PTPN14: variants seen among roughly 807,000 people sequenced by gnomAD.
PTPN14 encodes protein tyrosine phosphatase non-receptor type 14.
A neutral mutation model predicts 126.8 loss-of-function variants in PTPN14; 53 were observed. The ratio of observed to expected loss-of-function variants is 0.42; its 90% CI spans 0.34 to 0.53. The LOEUF (loss-of-function observed/expected upper bound fraction) is 0.53. PTPN14 is among the 20% of genes least tolerant of loss of function. The pLI, the probability that PTPN14 is intolerant of heterozygous loss-of-function variation, is 0.08. For synonymous variants in PTPN14, 630 were observed against 599.3 expected (o/e 1.05, Z -0.75); for missense variants, 1,257 against 1,552.9 (o/e 0.81, Z 3.20).
At chr1:214,440,429 T>A (rs1453172486) in intron 3 of PTPN14, among the ~76,000 whole-genome samples, 1 of 152,198 alleles carries the variant, frequency 6.6e-6, no homozygotes, top group Non-Finnish European at 1.5e-5. Context: ...TTATGGGTAA[T>A]CAGAGATGAG....
At position 214,409,578 on chromosome 1, in the gene PTPN14, A is replaced by T. The variant is rs561952729; in HGVS notation, c.510+2106T>A. ...ACCATTTCATTTTCTTTAGATATAT[A>T]CCCAGAAGTGAGACTGCTGGATTAT... On this transcript the variant is annotated intron_variant, in intron 5 of 18. Coordinates refer to ENST00000366956, the MANE Select transcript of PTPN14 (RefSeq NM_005401.5). Among the ~76,000 whole-genome samples, 39 of 152,274 alleles carry T rather than the reference A, an allele frequency of 2.6e-4. 1 individual carries two copies. Among genetic ancestry groups the T allele is most frequent in the South Asian group, 1.0e-3 (5 of 4,826 alleles).
intron 5 of PTPN14, among the ~76,000 whole-genome samples, chr1:214,404,929 T>A (rs1659126644): frequency 6.6e-6 from 1 of 152,322 alleles, no homozygotes; most frequent in South Asian, 2.1e-4. Context: ...TACACCCTTC[T>A]AAGACTACCC....
chr1:214,399,889 C>T (rs1209911388), intron 7 of PTPN14, among the ~76,000 whole-genome samples: 1 of 152,074 alleles, frequency 6.6e-6, no homozygotes, highest in African/African-American at 2.4e-5. Context: ...TTTTAAATTT[C>T]AGAGTTTATT....
chr1:214,491,886 C>A (rs867239228), intron 1 of PTPN14, among the ~76,000 whole-genome samples: 1 of 152,150 alleles, frequency 6.6e-6, no homozygotes, highest in African/African-American at 2.4e-5. Context: ...TATCCTCCCC[C>A]TCAAAAGCAG....
rs71165974 is a variant in PTPN14, at chr1:214,465,951, CTTTTT to C, written c.-154-999_-154-995del. Reference sequence around the variant, plus strand: ...TGCATTTAATATAATCAGTTACTTCCTTTTTTTTTTTTTTTTTTTTGTGAAGACGG... The same window carrying C: ...TGCATTTAATATAATCAGTTACTTCCTTTTTTTTTTTTTTTGTGAAGACGG... On this transcript the variant is annotated intron_variant, in intron 1 of 18. Transcript: ENST00000366956. Among the ~76,000 whole-genome samples the C allele has an allele frequency of 1.8e-3, 107 of 59,024 alleles. 5 individuals carry two copies. Among genetic ancestry groups the C allele is most frequent in the African/African-American group, 7.0e-3 (101 of 14,444 alleles). The allele number at this position is 59,024 out of a possible 152,430, so 38.7% of individuals were successfully genotyped here.
At chr1:214,380,835 T>C (rs1031608056) in intron 13 of PTPN14, among the ~76,000 whole-genome samples, 3 of 152,248 alleles carry the variant, frequency 2.0e-5, no homozygotes, top group East Asian at 1.9e-4. Context: ...ACAAAACAGA[T>C]GGAGACTCAT....
intron 1 of PTPN14, among the ~76,000 whole-genome samples, chr1:214,494,062 CTCTT>C (rs895439515): frequency 2.0e-4 from 30 of 152,130 alleles, no homozygotes; most frequent in Admixed American, 2.6e-4. Flanking sequence ...TTCCTCTTCT[CTCTT>C]TCTTTCTCTT....
At chr1:214,509,742 T>C (rs1482419566) in intron 1 of PTPN14, among the ~76,000 whole-genome samples, 2 of 152,200 alleles carry the variant, frequency 1.3e-5, no homozygotes, top group African/African-American at 4.8e-5. Flanking sequence ...CCAACCCAAA[T>C]GTCCATCAAT....
At chr1:214,422,481 G>C (rs1241828454) in intron 3 of PTPN14, among the ~76,000 whole-genome samples, 1 of 152,094 alleles carries the variant, frequency 6.6e-6, no homozygotes, top group Non-Finnish European at 1.5e-5. Context: ...AATATGTCTT[G>C]ACTCATCAGC....
intron 10 of PTPN14, among the ~76,000 whole-genome samples, chr1:214,391,285 C>G (rs1490191688): frequency 6.6e-6 from 1 of 151,586 alleles, no homozygotes; most frequent in Non-Finnish European, 1.5e-5. Flanking sequence ...AATATTAAAC[C>G]AATGGAGGCT....
intron 3 of PTPN14, among the ~76,000 whole-genome samples, chr1:214,425,498 G>T (rs921577817): frequency 5.3e-5 from 8 of 152,176 alleles, no homozygotes; most frequent in Non-Finnish European, 8.8e-5. Flanking sequence ...TGCCTCCTTT[G>T]CTGTTTTATA....
chr1:214,524,232 G>A (rs1339743988), intron 1 of PTPN14, among the ~76,000 whole-genome samples: 1 of 151,976 alleles, frequency 6.6e-6, no homozygotes, highest in Non-Finnish European at 1.5e-5. Context: ...TTTTCACATC[G>A]TTCTATAGAA....
chr1:214,386,862 C>A lies in PTPN14; in HGVS notation c.1048G>T (p.Glu350Ter). 2 of 1,606,410 alleles carry A rather than the reference C, an allele frequency of 1.2e-6. No individual in the cohort carries two copies. The highest frequency in any genetic ancestry group is 1.7e-6 in the Non-Finnish European group (2 of 1,173,348). ...GAGTTACCTTGCGAGGTGTGCGTTT[C>A]CGAGTAGTGCTCACCACACTGGACG... ...VHVQCGEHYSETHTSQDSIFH... is the reference protein window; with the variant it reads ...VHVQCGEHYS The change falls in exon 12 of 19, where the codon GAA becomes TAA. Residue 350 changes from glutamate (E) to a stop codon, truncating the protein, a stop_gained. Coordinates refer to ENST00000366956, the MANE Select transcript of PTPN14 (RefSeq NM_005401.5). LOFTEE classifies it high-confidence loss of function.
chr1:214,541,692 T>C (rs564814130), intron 1 of PTPN14, among the ~76,000 whole-genome samples: 3 of 152,346 alleles, frequency 2.0e-5, no homozygotes, highest in Admixed American at 1.3e-4. Context: ...TCAGAAAGCA[T>C]TATTTAGAGA....
intron 1 of PTPN14, among the ~76,000 whole-genome samples, chr1:214,533,641 C>G (rs1459228007): frequency 6.6e-6 from 1 of 151,814 alleles, no homozygotes; most frequent in Non-Finnish European, 1.5e-5. Context: ...ACCATCCTGG[C>G]TAACACGGTG....
chr1:214,367,716 G>C (rs1658114277), intron 17 of PTPN14, among the ~76,000 whole-genome samples: 1 of 152,154 alleles, frequency 6.6e-6, no homozygotes, highest in Admixed American at 6.5e-5. Flanking sequence ...GCACAGGACA[G>C]TTAGATGAGC....
At chr1:214,490,866 A>G (rs1571618253) in intron 1 of PTPN14, among the ~76,000 whole-genome samples, 1 of 8,886 alleles carries the variant, frequency 1.1e-4, no homozygotes, top group African/African-American at 7.5e-4. Flanking sequence ...AAGGGAGGGG[A>G]GGGGAGGGGA....
At chr1:214,508,934 G>A (rs1272759543) in intron 1 of PTPN14, among the ~76,000 whole-genome samples, 1 of 152,178 alleles carries the variant, frequency 6.6e-6, no homozygotes. Context: ...AGAGCCGTAG[G>A]TCTCAACAGT....
chr1:214,385,314 C>T (rs1415255764), intron 12 of PTPN14, among the ~76,000 whole-genome samples: 1 of 152,106 alleles, frequency 6.6e-6, no homozygotes, highest in Admixed American at 6.5e-5. Flanking sequence ...CCAGGGTGTC[C>T]GCACAGCTAG....
Sources: allele counts gnomAD v4.1 joint callset (sites outside exome capture counted in the v4.1 genomes callset), GRCh38; gene constraint gnomAD v4.1.1; transcripts MANE v1.5; gene names NCBI Gene and HGNC (gene_info 2026-07-23, HGNC 2026-07-21).